AGBL1: variants seen among roughly 807,000 people sequenced by gnomAD.
The protein encoded by AGBL1 is cytosolic carboxypeptidase 4.
In AGBL1, 130 loss-of-function variants were observed where a neutral mutation model predicts 118.9. The ratio of observed to expected loss-of-function variants is 1.09; its 90% CI spans 0.95 to 1.26. The LOEUF (loss-of-function observed/expected upper bound fraction) is 1.26. AGBL1 is among the 50% of genes most tolerant of loss of function. AGBL1 has a pLI of 0.00. For missense variants in AGBL1, 1,584 were observed against 1,298.1 expected (o/e 1.22, Z -3.38); for synonymous variants, 555 against 478.9 (o/e 1.16, Z -2.08).
intron 21 of AGBL1, among the ~76,000 whole-genome samples, chr15:86,661,020 T>C (rs566016466): frequency 6.6e-6 from 1 of 152,312 alleles, no homozygotes; most frequent in Non-Finnish European, 1.5e-5. Flanking sequence ...CAGTATGGAC[T>C]TAACTGCTTA....
At chr15:86,155,236 G>T (rs2077171986) in intron 4 of AGBL1, among the ~76,000 whole-genome samples, 1 of 152,196 alleles carries the variant, frequency 6.6e-6, no homozygotes, top group Non-Finnish European at 1.5e-5. Context: ...GGGAGGATGA[G>T]GTGGTCAGAT....
chr15:86,634,816 G>A (rs1359905517), intron 21 of AGBL1, among the ~76,000 whole-genome samples: 2 of 152,010 alleles, frequency 1.3e-5, no homozygotes, highest in African/African-American at 2.4e-5. Flanking sequence ...AAAGACTCTG[G>A]CAATAAAAAT....
chr15:86,857,284 G>T (rs2079496586), intron 22 of AGBL1, among the ~76,000 whole-genome samples: 1 of 152,126 alleles, frequency 6.6e-6, no homozygotes, highest in East Asian at 1.9e-4. Flanking sequence ...ATGTGGTCAT[G>T]TCACTCACTG....
Position 86,968,960 on chromosome 15 carries a change from C to T in AGBL1, c.3222-19027C>T, listed in dbSNP as rs565177137. 5.3e-5 allele frequency among the ~76,000 whole-genome samples: 8 copies of T among 151,930 alleles called. No homozygotes were observed. The East Asian group carries it at 7.8e-4, about 15-fold the overall frequency. On this transcript the variant is annotated intron_variant, in intron 23 of 24. Coordinates refer to the AGBL1 transcript ENST00000441037. ...TGAGGCAGATCCCTTATAACCTTGT[C>T]GCCACACAAAGGCCCCACCTTTTAA...
At chr15:86,521,977 G>A in intron 18 of AGBL1, among the ~76,000 whole-genome samples, 1 of 152,134 alleles carries the variant, frequency 6.6e-6, no homozygotes, top group Non-Finnish European at 1.5e-5. Context: ...TGTGTCCTGT[G>A]CAGGGGCTGC....
intron 17 of AGBL1, among the ~76,000 whole-genome samples, chr15:86,298,248 T>TATATATATATATATATAG (rs2079680230): frequency 2.1e-5 from 1 of 46,732 alleles, no homozygotes; most frequent in Non-Finnish European, 4.6e-5. Context: ...CTGTGTATAA[T>TATATATATATATATATAG]ATATATATAT....
At chr15:86,224,807 A>C in intron 5 of AGBL1, 107 bp from the exon 6 acceptor site, 8 of 1,026,052 alleles carry the variant, frequency 7.8e-6, no homozygotes, top group Non-Finnish European at 1.2e-5. Context: ...TACCTGGTTA[A>C]TCATGGGTCT....
intron 14 of AGBL1, 42 bp downstream of exon 14, chr15:86,270,109 G>A (rs1279120474): frequency 6.3e-7 from 1 of 1,577,604 alleles, no homozygotes. Flanking sequence ...GAACATGCCA[G>A]GAATGACATT....
chr15:86,972,202 G>C (rs1378762153), intron 23 of AGBL1, among the ~76,000 whole-genome samples: 1 of 151,986 alleles, frequency 6.6e-6, no homozygotes, highest in Non-Finnish European at 1.5e-5. Flanking sequence ...ATGCCAAATA[G>C]ATGATTACCA....
chr15:86,446,642 C>T (rs1358250397), intron 18 of AGBL1, among the ~76,000 whole-genome samples: 1 of 152,108 alleles, frequency 6.6e-6, no homozygotes, highest in African/African-American at 2.4e-5. Context: ...AGGATGGGGC[C>T]AGGGTACCCA....
chr15:86,369,351 G>A (rs2080936587), intron 17 of AGBL1, among the ~76,000 whole-genome samples: 1 of 152,130 alleles, frequency 6.6e-6, no homozygotes, highest in Non-Finnish European at 1.5e-5. Flanking sequence ...GAGTGCAGAT[G>A]CATTGTAAAT....
intron 20 of AGBL1, among the ~76,000 whole-genome samples, chr15:86,550,483 A>G (rs981475999): frequency 3.3e-5 from 5 of 152,166 alleles, no homozygotes; most frequent in Admixed American, 2.0e-4. Context: ...GGTTATATTG[A>G]CATAAGACAA....
chr15:86,937,219 T>C lies in AGBL1; in HGVS notation c.3222-50768T>C, dbSNP rs140475598. Among the ~76,000 whole-genome samples, 113 of 152,292 alleles carry C rather than the reference T, an allele frequency of 7.4e-4. 1 individual carries two copies. The highest frequency in any genetic ancestry group is 2.7e-3 in the African/African-American group (112 of 41,554). The stretch of plus-strand genomic sequence containing the variant: ...ACTGTTAGTGGGAGTGTAAATTAGT[T>C]CAACAATTGTGGAAAGCAGTATGGT... On this transcript the variant is annotated intron_variant, in intron 23 of 24. Coordinates refer to the AGBL1 transcript ENST00000441037.
At chr15:86,890,189 A>G (rs537381711) in intron 22 of AGBL1, among the ~76,000 whole-genome samples, 87 of 152,270 alleles carry the variant, frequency 5.7e-4, no homozygotes, top group Non-Finnish European at 1.0e-3. Context: ...GGCTGCATGA[A>G]TGTCTTCTTT....
chr15:86,516,314 G>A (rs2083120250), intron 18 of AGBL1, among the ~76,000 whole-genome samples: 1 of 152,184 alleles, frequency 6.6e-6, no homozygotes, highest in African/African-American at 2.4e-5. Flanking sequence ...TAATAAAATG[G>A]GAGGAAGGTT....
At position 86,129,907 on chromosome 15, in the gene AGBL1, G is replaced by C. The variant is rs999856892; in HGVS notation, c.52-12097G>C. ...ATAAATTTAAAATTGTGGAATGGGA[G>C]GATGAATGCTGGGATACCTTTACAC... On this transcript the variant is annotated intron_variant, in intron 1 of 22. Transcript: ENST00000614907. Among the ~76,000 whole-genome samples, 12 of 152,096 alleles carry C rather than the reference G, an allele frequency of 7.9e-5. 1 individual carries two copies. Among genetic ancestry groups the C allele is most frequent in the African/African-American group, 2.9e-4 (12 of 41,390 alleles).
intron 16 of AGBL1, among the ~76,000 whole-genome samples, chr15:86,294,771 C>T (rs1163532547): frequency 6.6e-6 from 1 of 151,900 alleles, no homozygotes; most frequent in African/African-American, 2.4e-5. Flanking sequence ...TTTATTTGTA[C>T]AAATTTATGG....
rs148787634 is a variant in AGBL1 at position 86,321,840 on chromosome 15, C to G, written c.2374+26432C>G. On this transcript the variant is annotated intron_variant, in intron 17 of 22. Coordinates refer to ENST00000614907, the MANE Select transcript of AGBL1 (RefSeq NM_001386094.1). ...CTTTATCTCTATACCACTGGCTTTTCTATGTGATATTTTCATTTTCTGTCA... is the reference window on the plus strand; with the variant it reads ...CTTTATCTCTATACCACTGGCTTTTGTATGTGATATTTTCATTTTCTGTCA... Among the ~76,000 whole-genome samples the G allele has an allele frequency of 1.1e-3, 166 of 150,272 alleles. 1 individual carries two copies. Among genetic ancestry groups the G allele is most frequent in the East Asian group, 7.6e-3 (39 of 5,132 alleles).
At chr15:86,350,445 A>G (rs1407432998) in intron 17 of AGBL1, among the ~76,000 whole-genome samples, 2 of 152,248 alleles carry the variant, frequency 1.3e-5, no homozygotes, top group East Asian at 1.9e-4. Context: ...CAGAAGATAT[A>G]TGAAGATAAT....
Sources: allele counts gnomAD v4.1 joint callset (sites outside exome capture counted in the v4.1 genomes callset), GRCh38; gene constraint gnomAD v4.1.1; transcripts MANE v1.5; gene names NCBI Gene and HGNC (gene_info 2026-07-23, HGNC 2026-07-21).